Variants in GAPVD1 observed in about 807,000 individuals in gnomAD.
GAPVD1 encodes the protein GTPase activating protein and VPS9 domains 1, also known as GTPase-activating protein and VPS9 domain-containing protein 1.
In GAPVD1, 35 loss-of-function variants were observed where a neutral mutation model predicts 155.5. The ratio of observed to expected loss-of-function variants is 0.23; its 90% CI spans 0.17 to 0.30. GAPVD1 has a LOEUF of 0.30. GAPVD1 is among the 10% of genes least tolerant of loss of function. The pLI, the probability that GAPVD1 is intolerant of heterozygous loss-of-function variation, is 1.00. For missense variants in GAPVD1, 1,429 were observed against 1,775.7 expected (o/e 0.80, Z 3.51); for synonymous variants, 636 against 619.7 (o/e 1.03, Z -0.39).
At chr9:125,322,048 T>C (rs769387063) in intron 10 of GAPVD1, among the ~76,000 whole-genome samples, 7 of 152,228 alleles carry the variant, frequency 4.6e-5, no homozygotes, top group Non-Finnish European at 8.8e-5. Context: ...AATGAGAATA[T>C]GTCATTTTGC....
chr9:125,332,040 C>T lies in GAPVD1; in HGVS notation c.2288C>T (p.Pro763Leu). The T allele has an allele frequency of 1.9e-6, 3 of 1,614,112 alleles. No homozygotes were observed. The highest frequency in any genetic ancestry group is 2.5e-6 in the Non-Finnish European group (3 of 1,179,978). The change falls in exon 14 of 28, where the codon CCA becomes CTA. Residue 763 changes from proline to leucine, a missense_variant. This residue lies in a region of GAPVD1 where 699 missense variants were observed against 826.0 expected (regional missense o/e 0.85). Transcript: ENST00000297933. Reference sequence around the variant, plus strand: ...GAGGTCAGTTCCCGCCCCAGCACACCAGGCCTCAGTGTTGTGTCCGGTATG... The same window carrying T: ...GAGGTCAGTTCCCGCCCCAGCACACTAGGCCTCAGTGTTGTGTCCGGTATG... Reference protein sequence around the residue: ...VREVSSRPSTPGLSVVSGISA... With the variant: ...VREVSSRPSTLGLSVVSGISA...
At chr9:125,315,628 G>A (rs1383133607) in intron 9 of GAPVD1, among the ~76,000 whole-genome samples, 1 of 152,014 alleles carries the variant, frequency 6.6e-6, no homozygotes, top group African/African-American at 2.4e-5. Flanking sequence ...CTACACAGGT[G>A]GCATTTGTCA....
intron 1 of GAPVD1, among the ~76,000 whole-genome samples, chr9:125,266,239 G>A (rs1351062805): frequency 1.3e-5 from 2 of 151,206 alleles, no homozygotes; most frequent in African/African-American, 2.4e-5. Context: ...CATTTCTCCT[G>A]CCTCAGCTTC....
intron 10 of GAPVD1, among the ~76,000 whole-genome samples, chr9:125,321,865 T>C (rs192237947): frequency 4.6e-5 from 7 of 152,350 alleles, no homozygotes; most frequent in Non-Finnish European, 1.0e-4. Flanking sequence ...AGAGCTCCTT[T>C]AGAAGGATAT....
chr9:125,300,232 A>G (rs900632536), intron 4 of GAPVD1, among the ~76,000 whole-genome samples: 6 of 143,658 alleles, frequency 4.2e-5, no homozygotes, highest in African/African-American at 1.3e-4. Context: ...CCCAGGCTGG[A>G]GTGCAGTGGC....
intron 9 of GAPVD1, among the ~76,000 whole-genome samples, chr9:125,313,463 T>C (rs1411916294): frequency 6.6e-6 from 1 of 151,532 alleles, no homozygotes; most frequent in Non-Finnish European, 1.5e-5. Flanking sequence ...GCCACCACGC[T>C]CGGCTAATTT....
intron 10 of GAPVD1, among the ~76,000 whole-genome samples, chr9:125,322,377 T>TA (rs1384853062): frequency 2.0e-5 from 3 of 152,150 alleles, no homozygotes; most frequent in African/African-American, 7.2e-5. Context: ...GGTTTTTTTT[T>TA]ATTTAAAGAC....
chr9:125,315,534 G>GATCTGT (rs1843295414), intron 9 of GAPVD1, among the ~76,000 whole-genome samples: 1 of 152,118 alleles, frequency 6.6e-6, no homozygotes, highest in African/African-American at 2.4e-5. Flanking sequence ...TGTGTATTTT[G>GATCTGT]ATCTGTCTGG....
At position 125,332,462 on chromosome 9, in the gene GAPVD1, G is replaced by T. The variant is rs747211370; in HGVS notation, c.2309-48G>T. 17 of 1,450,584 alleles carry T rather than the reference G, an allele frequency of 1.2e-5. No individual in the cohort carries two copies. In the East Asian group the frequency reaches 2.7e-4, roughly 23 times the overall value. 89.9% of individuals were successfully genotyped at this position (1,450,584 alleles called of 1,614,324 possible). On this transcript the variant is annotated intron_variant, in intron 14 of 27. Transcript: ENST00000297933. ...CCAAATTTCATATACTTTTTGTGTG[G>T]ATATTTTGTTCTTCTTCCTGTTTAT...
At chr9:125,310,233 A>G (rs1842468265) in intron 8 of GAPVD1, among the ~76,000 whole-genome samples, 1 of 152,194 alleles carries the variant, frequency 6.6e-6, no homozygotes, top group South Asian at 2.1e-4. Context: ...GGGTGAGCAA[A>G]TAAAGGTATG....
At chr9:125,262,668 A>G (rs1289327968) in intron 1 of GAPVD1, among the ~76,000 whole-genome samples, 3 of 152,172 alleles carry the variant, frequency 2.0e-5, no homozygotes, top group Non-Finnish European at 4.4e-5. Flanking sequence ...TTATTTTTAA[A>G]TTTATGACGA....
At chr9:125,283,153 A>C (rs1374040008) in intron 2 of GAPVD1, among the ~76,000 whole-genome samples, 4 of 150,852 alleles carry the variant, frequency 2.7e-5, no homozygotes, top group Non-Finnish European at 5.9e-5. Flanking sequence ...TCCGCCTCCC[A>C]GGTTCAAGCA....
intron 9 of GAPVD1, among the ~76,000 whole-genome samples, chr9:125,317,625 CA>C (rs1204830778): frequency 2.9e-3 from 163 of 56,016 alleles, no homozygotes; most frequent in Middle Eastern, 0.011. Context: ...AACTCTGTCT[CA>C]AAAAAAAAAA....
chr9:125,267,481 A>G (rs1295587847), intron 1 of GAPVD1, among the ~76,000 whole-genome samples: 1 of 152,092 alleles, frequency 6.6e-6, no homozygotes, highest in Non-Finnish European at 1.5e-5. Context: ...GTACAATGGC[A>G]CAATCTCAGC....
intron 27 of GAPVD1, 124 bp from the exon 28 acceptor site, chr9:125,362,480 CTT>C (rs1166254149): frequency 3.9e-6 from 3 of 761,820 alleles, no homozygotes; most frequent in Non-Finnish European, 6.2e-6. Flanking sequence ...CAAAAAATAA[CTT>C]TGGGGTTGTT....
intron 1 of GAPVD1, chr9:125,263,895 G>C: frequency 4.9e-6 from 7 of 1,429,156 alleles, no homozygotes; most frequent in Non-Finnish European, 6.9e-6. Flanking sequence ...TCATTGGTAA[G>C]GTACCAGTAG....
At chr9:125,270,140 T>C (rs963939956) in intron 2 of GAPVD1, among the ~76,000 whole-genome samples, 7 of 152,150 alleles carry the variant, frequency 4.6e-5, no homozygotes, top group African/African-American at 1.4e-4. Flanking sequence ...AGTTAAACTT[T>C]ACTGCTGGCC....
At position 125,312,575 on chromosome 9, in the gene GAPVD1, G is replaced by T; in HGVS notation, c.1565G>T (p.Gly522Val). The change falls in exon 9 of 28, where the codon GGT becomes GTT. Residue 522 changes from glycine (G) to valine (V), a missense_variant. Around this residue, in one of 4 missense-constraint regions of GAPVD1, gnomAD observed 628 missense variants for 733.4 expected, o/e 0.86. Transcript: ENST00000297933. ...EEVLVISLGTGPQLTPGMMSE... is the reference protein window; with the variant it reads ...EEVLVISLGTVPQLTPGMMSE... ...GTGTTGGTCATTTCCTTAGGTACAG[G>T]TCCCCAGCTTACTCCAGGGATGATG... The T allele has an allele frequency of 6.3e-7, 1 of 1,599,008 alleles. No individual in the cohort carries two copies. The highest frequency in any genetic ancestry group is 8.5e-7 in the Non-Finnish European group (1 of 1,175,884).
intron 9 of GAPVD1, among the ~76,000 whole-genome samples, chr9:125,317,077 T>C (rs1218457642): frequency 6.6e-6 from 1 of 152,088 alleles, no homozygotes; most frequent in Non-Finnish European, 1.5e-5. Context: ...CCCAGCACTT[T>C]GGGAGGCGAA....
Sources: allele counts gnomAD v4.1 joint callset (sites outside exome capture counted in the v4.1 genomes callset), GRCh38; gene constraint gnomAD v4.1.1; regional missense constraint gnomAD v4.1.1; transcripts MANE v1.5; gene names NCBI Gene and HGNC (gene_info 2026-07-23, HGNC 2026-07-21).